The following SEZ6L variants were observed in gnomAD, a reference collection of about 807,000 sequenced individuals.
SEZ6L encodes the protein seizure 6-like protein.
Under a neutral mutation model 106.2 loss-of-function variants are expected in SEZ6L, and 37 were observed. The ratio of observed to expected loss-of-function variants is 0.35; its 90% CI spans 0.27 to 0.46. The LOEUF (loss-of-function observed/expected upper bound fraction) is 0.46. Ranked by LOEUF, SEZ6L falls within the 20% of genes least tolerant of loss-of-function variation. The pLI, the probability that SEZ6L is intolerant of heterozygous loss-of-function variation, is 1.00. For missense variants in SEZ6L, 1,172 were observed against 1,332.8 expected (o/e 0.88, Z 1.88); for synonymous variants, 541 against 570.4 (o/e 0.95, Z 0.73).
At chr22:26,312,313 T>C (rs2081863823) in intron 8 of SEZ6L, among the ~76,000 whole-genome samples, 1 of 152,206 alleles carries the variant, frequency 6.6e-6, no homozygotes, top group Non-Finnish European at 1.5e-5. Context: ...ACAATAATAG[T>C]TCTTAATTGG....
intron 1 of SEZ6L, chr22:26,241,357 T>C (rs2079124991): frequency 6.6e-6 from 1 of 152,190 alleles, no homozygotes; most frequent in Non-Finnish European, 1.5e-5. Context: ...TCCAGGAATC[T>C]AGCACCGACT....
chr22:26,173,700 A>G (rs1225899664), intron 1 of SEZ6L, among the ~76,000 whole-genome samples: 12 of 152,212 alleles, frequency 7.9e-5, no homozygotes, highest in African/African-American at 2.7e-4. Context: ...TTTATTTCTC[A>G]CATTTCTGGA....
At chr22:26,353,399 T>C (rs1304594888) in intron 12 of SEZ6L, among the ~76,000 whole-genome samples, 2 of 152,216 alleles carry the variant, frequency 1.3e-5, no homozygotes, top group South Asian at 2.1e-4. Flanking sequence ...GAAACTGATA[T>C]TCAGAGGGAA....
rs1188644740 is a variant in SEZ6L, at chr22:26,380,343, C to G, written c.*48C>G. 17 of 1,514,134 alleles carry G rather than the reference C, an allele frequency of 1.1e-5. No individual in the cohort carries two copies. Among genetic ancestry groups the G allele is most frequent in the Non-Finnish European group, 1.6e-5 (17 of 1,089,236 alleles). 93.8% of individuals were successfully genotyped at this position (1,514,134 alleles called of 1,614,324 possible). ...GACTTGTGAACTCAACCACAATCTC[C>G]TCGAGACATTCATCCAGAGACCATG... On this transcript the variant is annotated 3_prime_UTR_variant, in exon 17 of 17. Transcript: ENST00000248933.
intron 9 of SEZ6L, among the ~76,000 whole-genome samples, chr22:26,337,458 TCTAATCCGGCA>T (rs2082681877): frequency 6.6e-6 from 1 of 152,224 alleles, no homozygotes; most frequent in South Asian, 2.1e-4. Flanking sequence ...TTCACACTAG[TCTAATCCGGCA>T]CTTTCATGAA....
At chr22:26,358,377 T>A (rs1356059816) in intron 12 of SEZ6L, among the ~76,000 whole-genome samples, 1 of 152,160 alleles carries the variant, frequency 6.6e-6, no homozygotes, top group Non-Finnish European at 1.5e-5. Flanking sequence ...AACATGCCAA[T>A]CATAAATATA....
intron 9 of SEZ6L, among the ~76,000 whole-genome samples, chr22:26,321,012 G>A (rs1382274716): frequency 2.0e-5 from 3 of 152,208 alleles, no homozygotes; most frequent in Non-Finnish European, 4.4e-5. Flanking sequence ...ACAGAGAGAA[G>A]ATGGGCAGAG....
chr22:26,313,706 T>C lies in SEZ6L; in HGVS notation c.1877-58T>C. ...TCATAGCCCACATGGTTAGCCGCTA[T>C]GCCACATTGACTTCTTTACAAATAA... On this transcript the variant is annotated intron_variant, in intron 8 of 16. Transcript: ENST00000248933. 3.2e-6 allele frequency: 5 copies of C among 1,582,812 alleles called. No individual in the cohort carries two copies. The South Asian group carries it at 4.4e-5, about 14-fold the overall frequency.
intron 6 of SEZ6L, among the ~76,000 whole-genome samples, chr22:26,307,104 T>C (rs2081654997): frequency 6.6e-6 from 1 of 152,136 alleles, no homozygotes; most frequent in South Asian, 2.1e-4. Context: ...CTCTGGGCAA[T>C]GTGTTGAGCA....
intron 1 of SEZ6L, 150 bp downstream of exon 1, chr22:26,169,913 C>G (rs1228445573): frequency 1.0e-5 from 4 of 397,524 alleles, no homozygotes; most frequent in Non-Finnish European, 1.8e-5. Context: ...AGGAACCGCA[C>G]GTCCCCTTGG....
chr22:26,358,213 G>C (rs1260672278), intron 12 of SEZ6L, among the ~76,000 whole-genome samples: 1 of 152,150 alleles, frequency 6.6e-6, no homozygotes, highest in East Asian at 1.9e-4. Flanking sequence ...ATAACCCTAG[G>C]GGATTTGGGT....
intron 1 of SEZ6L, among the ~76,000 whole-genome samples, chr22:26,240,761 C>T (rs1313763804): frequency 6.6e-6 from 1 of 152,038 alleles, no homozygotes; most frequent in East Asian, 1.9e-4. Flanking sequence ...TGGAGCTTAC[C>T]TTCTAATAAG....
intron 1 of SEZ6L, among the ~76,000 whole-genome samples, chr22:26,208,829 T>A (rs1257885079): frequency 6.7e-6 from 1 of 150,296 alleles, no homozygotes; most frequent in Non-Finnish European, 1.5e-5. Flanking sequence ...TTCTGTTTTT[T>A]TCTACTTCTT....
intron 1 of SEZ6L, among the ~76,000 whole-genome samples, chr22:26,196,726 C>T (rs1389680694): frequency 2.0e-5 from 3 of 152,156 alleles, no homozygotes; most frequent in Non-Finnish European, 1.5e-5. Context: ...GTGGTTTGGA[C>T]TTGAGTGGAC....
chr22:26,259,023 G>T (rs548672840), intron 1 of SEZ6L, among the ~76,000 whole-genome samples: 1 of 152,218 alleles, frequency 6.6e-6, no homozygotes, highest in African/African-American at 2.4e-5. Flanking sequence ...GGGCCAGTGG[G>T]CATGGCCCAA....
At chr22:26,351,521 G>GTTTT (rs1156774563) in intron 12 of SEZ6L, 1 of 302,640 alleles carries the variant, frequency 3.3e-6, no homozygotes, top group East Asian at 6.8e-5. Context: ...TTTTTTGTTT[G>GTTTT]TTTGTTTGTT....
In SEZ6L at chr22:26,293,018, A is replaced by G; in HGVS notation, c.707A>G (p.Asp236Gly). The change falls in exon 2 of 17, where the codon GAC (aspartate) becomes GGC (glycine). Residue 236 changes from aspartate to glycine, a missense_variant. By Grantham distance (94) the Asp-to-Gly change is moderately conservative. Around this residue, in one of 4 missense-constraint regions of SEZ6L, gnomAD observed 494 missense variants for 445.8 expected, o/e 1.11. Transcript: ENST00000248933. The stretch of plus-strand genomic sequence containing the variant: ...ATGGCCCAGGAGGCCCCCCAGGAGG[A>G]CACCAGCCCCATGGCCCTGATGGAC... ...PDMAQEAPQE[D>G]TSPMALMDKG... 6.2e-7 allele frequency: 1 copy of G among 1,614,122 alleles called. No homozygotes were observed. Among genetic ancestry groups the G allele is most frequent in the Non-Finnish European group, 8.5e-7 (1 of 1,180,012 alleles).
chr22:26,296,781 G>A, intron 3 of SEZ6L, 107 bp from the exon 4 acceptor site: 2 of 949,852 alleles, frequency 2.1e-6, no homozygotes, highest in African/African-American at 1.7e-5. Context: ...GTTGACCAGG[G>A]GCTAGCAGTA....
At chr22:26,343,734 A>T (rs1246224029) in intron 10 of SEZ6L, among the ~76,000 whole-genome samples, 1 of 152,224 alleles carries the variant, frequency 6.6e-6, no homozygotes, top group African/African-American at 2.4e-5. Context: ...ATTGCAGAGA[A>T]TGTTTTTCAG....
Sources: allele counts gnomAD v4.1 joint callset (sites outside exome capture counted in the v4.1 genomes callset), GRCh38; gene constraint gnomAD v4.1.1; regional missense constraint gnomAD v4.1.1; transcripts MANE v1.5; gene names NCBI Gene and HGNC (gene_info 2026-07-23, HGNC 2026-07-21).